The following LARP1B variants were observed in gnomAD, a reference collection of about 807,000 sequenced individuals.
The protein encoded by LARP1B is la-related protein 1B.
Under a neutral mutation model 114.2 loss-of-function variants are expected in LARP1B, and 76 were observed. The ratio of observed to expected loss-of-function variants is 0.67; its 90% CI spans 0.55 to 0.81. LARP1B has a LOEUF of 0.81. Ranked by LOEUF, LARP1B falls within the 30% of genes least tolerant of loss-of-function variation. The pLI is 0.00. For missense variants in LARP1B, 1,014 were observed against 1,075.8 expected (o/e 0.94, Z 0.80); for synonymous variants, 345 against 348.0 (o/e 0.99, Z 0.10).
chr4:128,200,787 T>A, intron 17 of LARP1B, 122 bp downstream of exon 17: 1 of 604,670 alleles, frequency 1.7e-6, no homozygotes, highest in Non-Finnish European at 2.7e-6. Context: ...AGTACTGAAG[T>A]AGCCTGATTT....
intron 8 of LARP1B, among the ~76,000 whole-genome samples, chr4:128,105,399 C>T (rs1022199557): frequency 6.6e-6 from 1 of 152,146 alleles, no homozygotes; most frequent in Non-Finnish European, 1.5e-5. Flanking sequence ...GCTGGGCATA[C>T]TGTTTGCTAC....
At chr4:128,108,698 A>G in intron 9 of LARP1B, 1 of 983,168 alleles carries the variant, frequency 1.0e-6, no homozygotes, top group Non-Finnish European at 1.2e-6. Flanking sequence ...GTGATTATAT[A>G]AGTTAGATTT....
intron 10 of LARP1B, among the ~76,000 whole-genome samples, chr4:128,118,082 ATTTTTTTTTT>A (rs34699544): frequency 1.3e-5 from 1 of 76,736 alleles, no homozygotes; most frequent in African/African-American, 5.6e-5. Context: ...GGCCCGGCTA[ATTTTTTTTTT>A]TTTTTTTTTT....
At chr4:128,152,701 T>C (rs1466814636) in intron 11 of LARP1B, among the ~76,000 whole-genome samples, 1 of 151,810 alleles carries the variant, frequency 6.6e-6, no homozygotes, top group African/African-American at 2.4e-5. Context: ...CCCTTTTTAG[T>C]GATAGTATGG....
downstream of LARP1B, among the ~76,000 whole-genome samples, chr4:128,214,209 G>A (rs1270089157): frequency 1.1e-4 from 15 of 141,680 alleles, no homozygotes; most frequent in East Asian, 2.8e-3. Context: ...ACTGCAAGGT[G>A]GCAACGAGGC....
At chr4:128,201,780 C>T (rs1488927819) in intron 17 of LARP1B, among the ~76,000 whole-genome samples, 1 of 152,062 alleles carries the variant, frequency 6.6e-6, no homozygotes, top group Non-Finnish European at 1.5e-5. Context: ...ATGGCGTGGA[C>T]TCATGAAGGC....
chr4:128,137,628 G>A (rs1272332564), intron 11 of LARP1B, among the ~76,000 whole-genome samples: 2 of 151,696 alleles, frequency 1.3e-5, no homozygotes, highest in African/African-American at 4.8e-5. Context: ...GTGATATTTT[G>A]ATACATGCAT....
chr4:128,206,856 G>T (rs1757741732), intron 18 of LARP1B: 2 of 984,672 alleles, frequency 2.0e-6, no homozygotes, highest in Middle Eastern at 5.2e-4. Flanking sequence ...GCTTGGAAAG[G>T]CAGAAATAGC....
chr4:128,062,321 A>G (rs1236369688), intron 1 of LARP1B: 3 of 958,308 alleles, frequency 3.1e-6, no homozygotes, highest in Non-Finnish European at 2.5e-6. Context: ...GGCCCGGGTA[A>G]CGGCAGGCCT....
chr4:128,062,592 C>CTTTTTTTT lies in LARP1B; in HGVS notation c.-78+1202_-78+1209dup, dbSNP rs10659836. On this transcript the variant is annotated intron_variant, in intron 1 of 19. Transcript: ENST00000326639. ...CTTCGTATGGGAAAGTTTTGGTAGA[C>CTTTTTTTT]TTTTTTTTTTTTTTTTTTACATAAA... 1.3e-4 allele frequency among the ~76,000 whole-genome samples: 17 copies of CTTTTTTTT among 128,254 alleles called. 4 individuals are homozygous for CTTTTTTTT. The East Asian group carries it at 2.1e-3, about 15-fold the overall frequency. 84.1% of individuals were successfully genotyped at this position (128,254 alleles called of 152,430 possible). A position where few individuals can be genotyped will look rare whatever the true frequency, so the allele number is the denominator to read the frequency against.
At chr4:128,192,118 C>A (rs940916472) in intron 15 of LARP1B, among the ~76,000 whole-genome samples, 9 of 151,862 alleles carry the variant, frequency 5.9e-5, no homozygotes, top group Non-Finnish European at 5.9e-5. Context: ...TTCTACTCTG[C>A]CATTTTGGTG....
rs191625047 is a variant in LARP1B at position 128,143,330 on chromosome 4, T to C, written c.1525-18864T>C. Among the ~76,000 whole-genome samples, 455 of 152,294 alleles carry C rather than the reference T, an allele frequency of 3.0e-3. 4 individuals carry two copies. Among genetic ancestry groups the C allele is most frequent in the African/African-American group, 0.011 (437 of 41,564 alleles). ...TGCCTCATTATGTAAATTCTAGCCATAATCCCTTGCACAAGTTAGTACTAT... is the reference window on the plus strand; with the variant it reads ...TGCCTCATTATGTAAATTCTAGCCACAATCCCTTGCACAAGTTAGTACTAT... On this transcript the variant is annotated intron_variant, in intron 11 of 19. Coordinates refer to ENST00000326639, the MANE Select transcript of LARP1B (RefSeq NM_018078.4).
Position 128,129,828 on chromosome 4 carries a change from A to G in LARP1B, c.1524+7640A>G, listed in dbSNP as rs537023853. ...GAACAGCTGAGCATTGAGGTGAAAA[A>G]AAAAAAATGAATCTTCACCCTTCAG... On this transcript the variant is annotated intron_variant, in intron 11 of 19. Coordinates refer to ENST00000326639, the MANE Select transcript of LARP1B (RefSeq NM_018078.4). 6.6e-4 allele frequency among the ~76,000 whole-genome samples: 101 copies of G among 152,298 alleles called. 1 individual carries two copies. Among genetic ancestry groups the G allele is most frequent in the African/African-American group, 2.4e-3 (98 of 41,552 alleles).
At chr4:128,075,487 G>C (rs903156994) in intron 3 of LARP1B, among the ~76,000 whole-genome samples, 18 of 151,560 alleles carry the variant, frequency 1.2e-4, no homozygotes, top group African/African-American at 4.4e-4. Context: ...TAATGAACTT[G>C]TTGTCTTAAG....
chr4:128,087,818 G>A (rs1442159252), intron 5 of LARP1B, among the ~76,000 whole-genome samples: 1 of 151,946 alleles, frequency 6.6e-6, no homozygotes, highest in East Asian at 1.9e-4. Flanking sequence ...ATTTGGGGCT[G>A]TAGTGCACAA....
intron 5 of LARP1B, among the ~76,000 whole-genome samples, chr4:128,083,866 G>A (rs571937455): frequency 0.011 from 1,680 of 151,898 alleles, 8 homozygotes; most frequent in Non-Finnish European, 0.018. Flanking sequence ...CTTCCCAGAC[G>A]GGGTGGCTGC....
intron 9 of LARP1B, chr4:128,107,960 C>T: frequency 1.3e-6 from 2 of 1,532,160 alleles, no homozygotes; most frequent in South Asian, 1.2e-5. Flanking sequence ...CACTGAAATG[C>T]CTTTATAAAT....
upstream of LARP1B, among the ~76,000 whole-genome samples, chr4:128,060,969 G>A (rs990716170): frequency 3.3e-5 from 5 of 152,114 alleles, no homozygotes; most frequent in African/African-American, 9.7e-5. Flanking sequence ...AGCGCCATGT[G>A]CGCGGCCCGC....
intron 11 of LARP1B, among the ~76,000 whole-genome samples, chr4:128,138,692 T>A (rs1333354340): frequency 6.6e-6 from 1 of 152,156 alleles, no homozygotes; most frequent in Non-Finnish European, 1.5e-5. Flanking sequence ...GCATGGTGGC[T>A]CATGCCTGTA....
Sources: gnomAD v4.1 joint callset for allele counts (sites outside exome capture counted in the v4.1 genomes callset) on GRCh38, gnomAD v4.1.1 for gene constraint, MANE v1.5 for transcripts, NCBI Gene and HGNC (gene_info 2026-07-23, HGNC 2026-07-21) for gene names.